The following PDE3A variants were observed in gnomAD, a reference collection of about 807,000 sequenced individuals.
The protein encoded by PDE3A is phosphodiesterase 3A.
PDE3A carries 43 observed loss-of-function variants against 98.3 expected under a neutral mutation model. The observed-to-expected ratio is 0.44, with a 90% CI of 0.34 to 0.56. The LOEUF is 0.56. Ranked by LOEUF, PDE3A falls within the 20% of genes least tolerant of loss-of-function variation. The pLI, the probability that PDE3A is intolerant of heterozygous loss-of-function variation, is 0.01. For synonymous variants in PDE3A, 663 were observed against 567.9 expected (o/e 1.17, Z -2.38); for missense variants, 1,427 against 1,440.7 (o/e 0.99, Z 0.15).
intron 1 of PDE3A, among the ~76,000 whole-genome samples, chr12:20,470,875 A>G (rs1399254245): frequency 1.4e-5 from 2 of 145,738 alleles, no homozygotes; most frequent in East Asian, 4.1e-4. Context: ...AGGTCGAGAG[A>G]GTGGGCCCTC....
chr12:20,450,118 A>T, intron 1 of PDE3A: 1 of 458,598 alleles, frequency 2.2e-6, no homozygotes, highest in Non-Finnish European at 4.0e-6. Context: ...CTCCTTTCCC[A>T]GAATGCATCG....
At chr12:20,497,125 T>G (rs11045285) in intron 1 of PDE3A, among the ~76,000 whole-genome samples, 39,581 of 152,034 alleles carry the variant, frequency 0.26, 6,484 homozygotes, top group East Asian at 0.43. Context: ...TAATGAAAAC[T>G]GTAAGTAGTT....
At chr12:20,409,399 C>G (rs554904755) in intron 1 of PDE3A, among the ~76,000 whole-genome samples, 1 of 151,880 alleles carries the variant, frequency 6.6e-6, no homozygotes, top group East Asian at 1.9e-4. Context: ...ATTATTAGCT[C>G]TCTTATTTAA....
intron 1 of PDE3A, among the ~76,000 whole-genome samples, chr12:20,414,622 T>A (rs1944390766): frequency 6.6e-6 from 1 of 152,244 alleles, no homozygotes; most frequent in Non-Finnish European, 1.5e-5. Flanking sequence ...CTCTCTTGAG[T>A]ATTCAAATTT....
intron 15 of PDE3A, among the ~76,000 whole-genome samples, chr12:20,666,846 T>C (rs1225984069): frequency 6.6e-6 from 1 of 152,204 alleles, no homozygotes; most frequent in African/African-American, 2.4e-5. Context: ...TTTTGAGAAA[T>C]CTGCATACTG....
intron 1 of PDE3A, among the ~76,000 whole-genome samples, chr12:20,376,302 C>A (rs1389724856): frequency 6.6e-6 from 1 of 151,860 alleles, no homozygotes; most frequent in East Asian, 1.9e-4. Flanking sequence ...GGCAAGATGG[C>A]TTTTGTCCAT....
intron 1 of PDE3A, among the ~76,000 whole-genome samples, chr12:20,379,082 T>C (rs553826604): frequency 1.1e-4 from 16 of 151,760 alleles, no homozygotes; most frequent in Non-Finnish European, 1.8e-4. Flanking sequence ...TTATGCTATG[T>C]CTGTGGCAAG....
chr12:20,664,851 C>A (rs1172512960), intron 15 of PDE3A, among the ~76,000 whole-genome samples: 1 of 152,076 alleles, frequency 6.6e-6, no homozygotes, highest in East Asian at 1.9e-4. Context: ...ACTAACACAC[C>A]CTCAAATATA....
At chr12:20,447,638 A>G (rs1351634548) in intron 1 of PDE3A, among the ~76,000 whole-genome samples, 3 of 152,230 alleles carry the variant, frequency 2.0e-5, no homozygotes, top group African/African-American at 4.8e-5. Flanking sequence ...CCCTTCTCCT[A>G]TACTTCACCC....
At chr12:20,666,306 C>G (rs192424384) in intron 15 of PDE3A, among the ~76,000 whole-genome samples, 1 of 152,288 alleles carries the variant, frequency 6.6e-6, no homozygotes, top group Admixed American at 6.5e-5. Context: ...CCTCTTCCCA[C>G]TATTTTAAAG....
At chr12:20,456,476 C>A (rs949324201) in intron 1 of PDE3A, among the ~76,000 whole-genome samples, 1 of 152,076 alleles carries the variant, frequency 6.6e-6, no homozygotes, top group African/African-American at 2.4e-5. Context: ...AAACATGTAT[C>A]TCTCTGTATT....
intron 1 of PDE3A, among the ~76,000 whole-genome samples, chr12:20,519,462 G>A (rs1946382658): frequency 6.6e-6 from 1 of 152,098 alleles, no homozygotes; most frequent in African/African-American, 2.4e-5. Context: ...CAATAATAAA[G>A]GATAGTGAAT....
intron 1 of PDE3A, among the ~76,000 whole-genome samples, chr12:20,459,290 T>C (rs1331874142): frequency 6.6e-6 from 1 of 152,138 alleles, no homozygotes; most frequent in African/African-American, 2.4e-5. Context: ...AGGTAGACTT[T>C]TATTGATATT....
Position 20,629,818 on chromosome 12 carries a change from GA to G in PDE3A, c.1541-89del, listed in dbSNP as rs1353637359. On this transcript the variant is annotated intron_variant, in intron 5 of 15. Coordinates refer to ENST00000359062, the MANE Select transcript of PDE3A (RefSeq NM_000921.5). ...CCTGAGCAGGCACGTGGTTGTTACT[GA>G]GTTTGTAAGAGTCCAGGTGAAGTTC... The G allele has an allele frequency of 5.8e-5, 56 of 973,736 alleles. No individual in the cohort carries two copies. The Admixed American group carries it at 9.0e-4, about 16-fold the overall frequency. 60.3% of individuals were successfully genotyped at this position (973,736 alleles called of 1,614,324 possible). A position where few individuals can be genotyped will look rare whatever the true frequency, so the allele number is the denominator to read the frequency against.
intron 2 of PDE3A, among the ~76,000 whole-genome samples, chr12:20,607,442 AAAAAAAAAAGAAAAAAG>A (rs1160601079): frequency 6.6e-6 from 1 of 151,714 alleles, no homozygotes; most frequent in African/African-American, 2.4e-5. Flanking sequence ...GTCTCAAAAA[AAAAAAAAAAGAAAAAAG>A]AAAAAAAAAC....
intron 1 of PDE3A, among the ~76,000 whole-genome samples, chr12:20,532,522 G>T (rs528726708): frequency 6.6e-6 from 1 of 152,156 alleles, no homozygotes; most frequent in Non-Finnish European, 1.5e-5. Flanking sequence ...CAGTCTGAGA[G>T]ATTCTCTGGT....
intron 1 of PDE3A, among the ~76,000 whole-genome samples, chr12:20,386,102 TATATATATAA>T (rs1220710518): frequency 0.017 from 254 of 14,598 alleles, 5 homozygotes; most frequent in Non-Finnish European, 0.029. Context: ...TATATATAAA[TATATATATAA>T]ATATATATAA....
At chr12:20,453,372 G>T (rs1021444426) in intron 1 of PDE3A, among the ~76,000 whole-genome samples, 2 of 151,804 alleles carry the variant, frequency 1.3e-5, no homozygotes, top group African/African-American at 4.8e-5. Flanking sequence ...TGGAGATGGG[G>T]TTTCACCATG....
chr12:20,370,389 G>GTTTTTTTTTTT (rs1407334826), intron 1 of PDE3A, 145 bp downstream of exon 1: 1 of 405,974 alleles, frequency 2.5e-6, no homozygotes, highest in Admixed American at 4.7e-5. Flanking sequence ...AAACTAGCAG[G>GTTTTTTTTTTT]TTTTTTTTTT....
Sources: allele counts gnomAD v4.1 joint callset (sites outside exome capture counted in the v4.1 genomes callset), GRCh38; gene constraint gnomAD v4.1.1; transcripts MANE v1.5; gene names NCBI Gene and HGNC (gene_info 2026-07-23, HGNC 2026-07-21).